MACROD2: variants seen among roughly 807,000 people sequenced by gnomAD.
The protein encoded by MACROD2 is mono-ADP ribosylhydrolase 2, also known as ADP-ribose glycohydrolase MACROD2.
A neutral mutation model predicts 70.4 loss-of-function variants in MACROD2; 36 were observed. The observed-to-expected ratio is 0.51, with a 90% CI of 0.39 to 0.68. The LOEUF is 0.68. Ranked by LOEUF, MACROD2 falls within the 30% of genes least tolerant of loss-of-function variation. MACROD2 has a pLI of 0.00. For missense variants in MACROD2, 496 were observed against 538.4 expected (o/e 0.92, Z 0.78); for synonymous variants, 172 against 178.8 (o/e 0.96, Z 0.30).
At chr20:15,758,279 C>T (rs1389811282) in intron 8 of MACROD2, among the ~76,000 whole-genome samples, 3 of 138,708 alleles carry the variant, frequency 2.2e-5, no homozygotes, top group Non-Finnish European at 4.6e-5. Context: ...TGCTTTGTTG[C>T]CCAGGCTGGA....
chr20:14,206,490 C>CA (rs1484552053), intron 3 of MACROD2, among the ~76,000 whole-genome samples: 2 of 152,078 alleles, frequency 1.3e-5, no homozygotes, highest in Non-Finnish European at 2.9e-5. Flanking sequence ...TCTAAGTGCT[C>CA]AAAAAACAGT....
intron 3 of MACROD2, chr20:14,086,374 T>A (rs1402109902): frequency 4.6e-6 from 1 of 219,248 alleles, no homozygotes; most frequent in East Asian, 1.0e-4. Flanking sequence ...TACAAAAATA[T>A]TGTAAATGAG....
intron 8 of MACROD2, among the ~76,000 whole-genome samples, chr20:15,740,897 G>A (rs886178479): frequency 1.6e-4 from 24 of 151,938 alleles, no homozygotes; most frequent in East Asian, 9.7e-4. Context: ...CACTGCTCGC[G>A]TGCTATCCTC....
chr20:15,720,877 G>A (rs533593055), intron 8 of MACROD2, among the ~76,000 whole-genome samples: 86 of 152,128 alleles, frequency 5.7e-4, no homozygotes, highest in Admixed American at 4.3e-3. Flanking sequence ...TTTTCAGTAG[G>A]GTGTAGCAAT....
intron 2 of MACROD2, among the ~76,000 whole-genome samples, chr20:14,003,964 A>C (rs1162735618): frequency 6.6e-6 from 1 of 152,188 alleles, no homozygotes; most frequent in African/African-American, 2.4e-5. Flanking sequence ...CTGGTATTGA[A>C]TATTTCAGCA....
At chr20:14,396,788 G>A (rs2083584576) in intron 3 of MACROD2, among the ~76,000 whole-genome samples, 1 of 151,404 alleles carries the variant, frequency 6.6e-6, no homozygotes, top group African/African-American at 2.4e-5. Flanking sequence ...AGCTGGGCAT[G>A]GTGGCGGGTG....
At chr20:15,212,824 A>G (rs1393749485) in intron 5 of MACROD2, among the ~76,000 whole-genome samples, 7 of 152,226 alleles carry the variant, frequency 4.6e-5, no homozygotes, top group African/African-American at 7.2e-5. Context: ...TTCCTAGGCC[A>G]GCAGCATCAG....
At chr20:15,176,297 G>T (rs1271987031) in intron 5 of MACROD2, among the ~76,000 whole-genome samples, 1 of 152,186 alleles carries the variant, frequency 6.6e-6, no homozygotes, top group Non-Finnish European at 1.5e-5. Context: ...GACAAAAAGG[G>T]GCAGGTCCCT....
intron 13 of MACROD2, 51 bp downstream of exon 13, chr20:15,967,681 GAAAAA>G (rs11467891): frequency 2.0e-3 from 838 of 416,680 alleles, no homozygotes; most frequent in African/African-American, 4.8e-3. Context: ...CTGGGAAACA[GAAAAA>G]AAAAAAAAAA....
intron 3 of MACROD2, among the ~76,000 whole-genome samples, chr20:14,255,435 C>CA (rs1041884922): frequency 1.4e-5 from 2 of 144,262 alleles, no homozygotes; most frequent in East Asian, 2.1e-4. Flanking sequence ...ATCGCAGGGA[C>CA]AAAAAAACCA....
chr20:14,775,277 G>A (rs549554309), intron 5 of MACROD2, among the ~76,000 whole-genome samples: 6 of 152,148 alleles, frequency 3.9e-5, no homozygotes, highest in African/African-American at 1.2e-4. Flanking sequence ...TAGTCCATTT[G>A]TCTTGCTGTA....
intron 3 of MACROD2, among the ~76,000 whole-genome samples, chr20:14,203,714 G>A (rs773902387): frequency 2.0e-5 from 3 of 152,210 alleles, no homozygotes; most frequent in Admixed American, 1.3e-4. Context: ...GGAGGCTGTG[G>A]TGAGGCTTTA....
At chr20:14,715,542 C>G (rs771756101) in intron 5 of MACROD2, among the ~76,000 whole-genome samples, 10 of 152,112 alleles carry the variant, frequency 6.6e-5, no homozygotes, top group Non-Finnish European at 1.5e-4. Flanking sequence ...TTTAGCAGGC[C>G]TCTTGTGCTT....
intron 2 of MACROD2, among the ~76,000 whole-genome samples, chr20:14,020,606 A>G (rs2053062521): frequency 6.6e-6 from 1 of 152,084 alleles, no homozygotes; most frequent in African/African-American, 2.4e-5. Context: ...TTATGTGGTA[A>G]CTCTGGGAAT....
intron 2 of MACROD2, among the ~76,000 whole-genome samples, chr20:14,062,022 T>G (rs1168158277): frequency 6.6e-6 from 1 of 152,142 alleles, no homozygotes; most frequent in African/African-American, 2.4e-5. Context: ...TTTTAGAGAT[T>G]AAAGAATAAA....
intron 5 of MACROD2, among the ~76,000 whole-genome samples, chr20:14,928,039 C>A (rs1307683998): frequency 2.0e-5 from 3 of 152,240 alleles, no homozygotes; most frequent in Non-Finnish European, 1.5e-5. Flanking sequence ...TCTGCAATGG[C>A]ACCCACTGGC....
chr20:14,625,351 A>T (rs968045248), intron 4 of MACROD2, among the ~76,000 whole-genome samples: 1 of 152,000 alleles, frequency 6.6e-6, no homozygotes, highest in Non-Finnish European at 1.5e-5. Flanking sequence ...AAAAAAAGAA[A>T]GATTAGGAAT....
At chr20:14,830,776 A>G (rs2072955396) in intron 5 of MACROD2, among the ~76,000 whole-genome samples, 1 of 152,162 alleles carries the variant, frequency 6.6e-6, no homozygotes, top group Admixed American at 6.5e-5. Flanking sequence ...CACAGTTTGT[A>G]CTCAGGCACT....
intron 5 of MACROD2, among the ~76,000 whole-genome samples, chr20:14,823,175 C>T (rs1023525909): frequency 6.6e-6 from 1 of 151,918 alleles, no homozygotes; most frequent in Non-Finnish European, 1.5e-5. Flanking sequence ...GATTCTAGGT[C>T]GTGTATATTT....
Sources: allele counts gnomAD v4.1 joint callset (sites outside exome capture counted in the v4.1 genomes callset), GRCh38; gene constraint gnomAD v4.1.1; transcripts MANE v1.5; gene names NCBI Gene and HGNC (gene_info 2026-07-23, HGNC 2026-07-21).